Variants in PI4KA observed in about 807,000 individuals in gnomAD.
PI4KA encodes PI4-kinase alpha.
Under a neutral mutation model 271.4 loss-of-function variants are expected in PI4KA, and 122 were observed. That is an observed-to-expected ratio of 0.45 (90% CI 0.39 to 0.52). The LOEUF is 0.52. Among genes scored for constraint, PI4KA ranks in the 20% least tolerant of loss-of-function variants. The pLI is 0.00. For missense variants in PI4KA, 1,969 were observed against 2,769.1 expected, an observed-to-expected ratio of 0.71 and a Z score of 6.48; for synonymous variants, 1,041 against 1,078.8, an observed-to-expected ratio of 0.96 and a Z score of 0.69.
chr22:20,756,206 CTTTT>C (rs200988090), intron 23 of PI4KA, among the ~76,000 whole-genome samples: 2 of 141,276 alleles, frequency 1.4e-5, no homozygotes, highest in Admixed American at 1.4e-4. Context: ...AGTATAATAG[CTTTT>C]TTTTTTTTTT....
intron 22 of PI4KA, among the ~76,000 whole-genome samples, chr22:20,762,952 T>TC (rs1037168157): frequency 1.4e-5 from 2 of 142,606 alleles, no homozygotes; most frequent in African/African-American, 5.3e-5. Context: ...TGCCTCAGTC[T>TC]CCTGAGTAGC....
rs535076521 is a variant in PI4KA at position 20,733,668 on chromosome 22, G to A, written c.4160+68C>T. 127 of 1,612,858 alleles carry A rather than the reference G, an allele frequency of 7.9e-5. No homozygotes were observed. The African/African-American group carries it at 1.6e-3, about 20-fold the overall frequency. On this transcript the variant is annotated intron_variant, in intron 35 of 54. Transcript: ENST00000255882. The stretch of plus-strand genomic sequence containing the variant: ...CCTGTGAGTGACTTCCTGGGGGTTT[G>A]GGGCGATGGAGCACTTGGAGGGGCT...
intron 19 of PI4KA, among the ~76,000 whole-genome samples, chr22:20,774,758 CA>C (rs361993): frequency 0.45 from 48,474 of 107,062 alleles, 8,280 homozygotes; most frequent in African/African-American, 0.54. Flanking sequence ...TAGACTCCGT[CA>C]AAAAAAAAAA....
chr22:20,733,060 A>G lies in PI4KA; in HGVS notation c.4199T>C (p.Leu1400Pro), dbSNP rs1928262649. The change falls in exon 36 of 55, where the codon CTG becomes CCG. Residue 1400 changes from leucine (L) to proline (P), a missense_variant. Transcript: ENST00000255882. ...AATCATGATGCTTATGTCTTCACGC[A>G]GCCGCTTCTCTCCTTGAGTAGGGAA... ...PKFPTQGEKR[L>P]REDISIMIKF... The G allele has an allele frequency of 6.2e-7, 1 of 1,611,822 alleles. No individual in the cohort carries two copies. The highest frequency in any genetic ancestry group is 8.5e-7 in the Non-Finnish European group (1 of 1,179,806).
At chr22:20,829,075 G>A (rs1923817272) in intron 3 of PI4KA, among the ~76,000 whole-genome samples, 1 of 152,098 alleles carries the variant, frequency 6.6e-6, no homozygotes, top group Non-Finnish European at 1.5e-5. Flanking sequence ...CTAGTATTTT[G>A]TTGAGGATGT....
At chr22:20,803,635 C>T (rs1935474139) in intron 12 of PI4KA, among the ~76,000 whole-genome samples, 1 of 152,190 alleles carries the variant, frequency 6.6e-6, no homozygotes, top group African/African-American at 2.4e-5. Flanking sequence ...AGCAATCCTC[C>T]CACCTCAGCC....
At chr22:20,756,835 G>A (rs1931363693) in intron 23 of PI4KA, among the ~76,000 whole-genome samples, 1 of 152,044 alleles carries the variant, frequency 6.6e-6, no homozygotes, top group Non-Finnish European at 1.5e-5. Flanking sequence ...TCATCATGTT[G>A]GCCAGGCTGG....
In PI4KA at chr22:20,742,372, G is replaced by A. The variant is rs775120846; in HGVS notation, c.3614-17C>T. ...GGTCACAATCTGGAACCAAACACACGTCAGTCAGAGGCCTCCAACAACAGC... is the reference window on the plus strand; with the variant it reads ...GGTCACAATCTGGAACCAAACACACATCAGTCAGAGGCCTCCAACAACAGC... On this transcript the variant is annotated splice_polypyrimidine_tract_variant and intron_variant, in intron 31 of 54. Transcript: ENST00000255882. The A allele has an allele frequency of 6.3e-5, 102 of 1,611,750 alleles. No homozygotes were observed. In the East Asian group the frequency reaches 1.3e-3, roughly 21 times the overall value.
chr22:20,838,546 G>A, intron 2 of PI4KA, 69 bp downstream of exon 2: 4 of 857,030 alleles, frequency 4.7e-6, no homozygotes, highest in Non-Finnish European at 7.9e-6. Flanking sequence ...AATATAAGCA[G>A]ATACAAACTT....
chr22:20,722,813 GA>G (rs1926899002), intron 42 of PI4KA, among the ~76,000 whole-genome samples: 1 of 152,190 alleles, frequency 6.6e-6, no homozygotes, highest in Admixed American at 6.5e-5. Flanking sequence ...CACACAGGCA[GA>G]AGTCTTCACT....
intron 18 of PI4KA, 58 bp downstream of exon 18, chr22:20,796,088 G>C: frequency 1.3e-6 from 2 of 1,519,430 alleles, no homozygotes; most frequent in Middle Eastern, 1.8e-4. Flanking sequence ...TGAAGACTAA[G>C]CCTTGGCCAG....
intron 29 of PI4KA, among the ~76,000 whole-genome samples, chr22:20,745,186 T>C (rs1277850289): frequency 6.6e-6 from 1 of 152,194 alleles, no homozygotes; most frequent in African/African-American, 2.4e-5. Context: ...AGGGTACACC[T>C]TGAATACAAA....
At position 20,793,404 on chromosome 22, in the gene PI4KA, A is replaced by C. The variant is rs377603077; in HGVS notation, c.2278-161T>G. The stretch of plus-strand genomic sequence containing the variant: ...AGAGGCAGAGAGATGCTCATCCAGC[A>C]TAATTTTAATAGCAAAAAATGAAAA... On this transcript the variant is annotated intron_variant, in intron 18 of 54. Transcript: ENST00000255882. The C allele has an allele frequency of 2.2e-4, 112 of 513,540 alleles. No homozygotes were observed. The South Asian group carries it at 3.1e-3, about 14-fold the overall frequency. The allele number at this position is 513,540 out of a possible 1,614,324, so 31.8% of individuals were successfully genotyped here.
intron 36 of PI4KA, among the ~76,000 whole-genome samples, chr22:20,730,665 G>A (rs1303455209): frequency 6.6e-6 from 1 of 152,032 alleles, no homozygotes; most frequent in Non-Finnish European, 1.5e-5. Context: ...CTGCCTCCCG[G>A]GTTTAAGCAA....
At chr22:20,788,015 G>A (rs973923959) in intron 19 of PI4KA, among the ~76,000 whole-genome samples, 3 of 152,206 alleles carry the variant, frequency 2.0e-5, no homozygotes, top group African/African-American at 7.2e-5. Context: ...GGTCTGGTTT[G>A]ACAGAGCAGA....
chr22:20,799,719 A>C lies in PI4KA; in HGVS notation c.1772T>G (p.Phe591Cys). The change falls in exon 15 of 55, where the codon TTC becomes TGC. Residue 591 changes from phenylalanine (F) to cysteine (C), a missense_variant. This residue lies in a region of PI4KA where 228 missense variants were observed against 261.6 expected (regional missense o/e 0.87). Transcript: ENST00000255882. ...LTVDPVIVEA[F>C]LASLSNRLYI... Reference sequence around the variant, plus strand: ...GAGCCGGTTGGACAGGCTGGCCAAGAACGCCTCCACAATCACTGGGTCCAC... The same window carrying C: ...GAGCCGGTTGGACAGGCTGGCCAAGCACGCCTCCACAATCACTGGGTCCAC... The C allele has an allele frequency of 6.4e-7, 1 of 1,553,106 alleles. No homozygotes were observed. Among genetic ancestry groups the C allele is most frequent in the East Asian group, 2.4e-5 (1 of 41,090 alleles).
intron 7 of PI4KA, 94 bp downstream of exon 7, chr22:20,818,389 A>G (rs541523189): frequency 4.7e-6 from 4 of 850,772 alleles, no homozygotes; most frequent in Non-Finnish European, 7.3e-6. Flanking sequence ...ATGACAACAG[A>G]GTTAGTATCA....
Position 20,707,963 on chromosome 22 carries a change from G to A in PI4KA, c.*84C>T, listed in dbSNP as rs117763143. 7.5e-5 allele frequency: 89 copies of A among 1,187,532 alleles called. No individual in the cohort carries two copies. Among genetic ancestry groups the A allele is most frequent in the Non-Finnish European group, 1.1e-4 (84 of 791,634 alleles). 73.6% of individuals were successfully genotyped at this position (1,187,532 alleles called of 1,614,324 possible). ...AGGCCTCTCCTCCACTGCATGTGGCGGCAGGGCAGGGAGGTCGCAGGGCTC... is the reference window on the plus strand; with the variant it reads ...AGGCCTCTCCTCCACTGCATGTGGCAGCAGGGCAGGGAGGTCGCAGGGCTC... On this transcript the variant is annotated 3_prime_UTR_variant, in exon 55 of 55. Transcript: ENST00000255882.
At chr22:20,728,806 AACAGGG>A in intron 39 of PI4KA, among the ~76,000 whole-genome samples, 1 of 152,324 alleles carries the variant, frequency 6.6e-6, no homozygotes, top group South Asian at 2.1e-4. Context: ...TGGGATTCTA[AACAGGG>A]ACTCTGCAGT....
Sources: allele counts gnomAD v4.1 joint callset (sites outside exome capture counted in the v4.1 genomes callset), GRCh38; gene constraint gnomAD v4.1.1; regional missense constraint gnomAD v4.1.1; transcripts MANE v1.5; gene names NCBI Gene and HGNC (gene_info 2026-07-23, HGNC 2026-07-21).